Variants in ADGRG6 observed in about 807,000 individuals in gnomAD.
The protein encoded by ADGRG6 is G-protein coupled receptor 126.
A neutral mutation model predicts 142.4 loss-of-function variants in ADGRG6; 84 were observed. The ratio of observed to expected loss-of-function variants is 0.59; its 90% confidence interval spans 0.49 to 0.71. ADGRG6 has a LOEUF of 0.71. Among genes scored for constraint, ADGRG6 ranks in the 30% least tolerant of loss-of-function variants. The pLI, the probability that ADGRG6 is intolerant of heterozygous loss-of-function variation, is 0.00. For missense variants in ADGRG6, 1,367 were observed against 1,466.6 expected (o/e 0.93, Z 1.11); for synonymous variants, 521 against 520.5 (o/e 1.00, Z -0.01).
chr6:142,369,090 G>T (rs1319676987), intron 3 of ADGRG6, among the ~76,000 whole-genome samples: 1 of 152,030 alleles, frequency 6.6e-6, no homozygotes, highest in African/African-American at 2.4e-5. Flanking sequence ...TTTTATTATA[G>T]AACTATTCTT....
chr6:142,306,095 G>T (rs910887656), intron 1 of ADGRG6, among the ~76,000 whole-genome samples: 2 of 152,176 alleles, frequency 1.3e-5, no homozygotes, highest in African/African-American at 4.8e-5. Context: ...GGGATATGGC[G>T]AAAGCAGTTA....
At chr6:142,325,373 C>T (rs1022380784) in intron 2 of ADGRG6, among the ~76,000 whole-genome samples, 1 of 152,140 alleles carries the variant, frequency 6.6e-6, no homozygotes, top group Non-Finnish European at 1.5e-5. Flanking sequence ...TCCCACGAGG[C>T]TTGTAGCTTA....
rs1456897031 is a variant in ADGRG6 at position 142,350,989 on chromosome 6, A to G, written c.104-16580A>G. Among the ~76,000 whole-genome samples, 3 of 152,186 alleles carry G rather than the reference A, an allele frequency of 2.0e-5. No homozygotes were observed. In the East Asian group the frequency reaches 5.8e-4, roughly 29 times the overall value. The stretch of plus-strand genomic sequence containing the variant: ...GGTGGCTCACACCTGTAATCCCAGC[A>G]CTTTGGGAGGCCAAGGCGGGTGGAT... On this transcript the variant is annotated intron_variant, in intron 2 of 24. Coordinates refer to ENST00000367609, the MANE Select transcript of ADGRG6 (RefSeq NM_198569.3).
rs747182342 is a variant in ADGRG6, at chr6:142,381,391, C to T, written c.1070-560C>T. Among the ~76,000 whole-genome samples, 74 of 152,220 alleles carry T rather than the reference C, an allele frequency of 4.9e-4. 1 individual carries two copies. In the Middle Eastern group the frequency reaches 0.01, roughly 21 times the overall value. On this transcript the variant is annotated intron_variant, in intron 4 of 24. Transcript: ENST00000367609. ...TTAATTGTCAGAGGGAGATTTAGTG[C>T]AACAATGAAAATCTACTTCTACTAA...
Position 142,370,353 on chromosome 6 carries a change from C to T in ADGRG6, c.629C>T (p.Thr210Ile), listed in dbSNP as rs772443184. Reference sequence around the variant, plus strand: ...TTCTCCTACTCAAATGCATCCTTCACACAATTGCTCAGTTTTGGAAAGGCC... The same window carrying T: ...TTCTCCTACTCAAATGCATCCTTCATACAATTGCTCAGTTTTGGAAAGGCC... ...TAFSYSNASFTQLLSFGKAKS... is the reference protein window; with the variant it reads ...TAFSYSNASFIQLLSFGKAKS... Residue 210 changes from threonine (T) to isoleucine (I), a missense_variant, in exon 4 of 25, where the codon ACA (threonine) becomes ATA (isoleucine). Physicochemically the swap from Thr to Ile is moderately conservative, Grantham distance 89. Coordinates refer to ENST00000367609, the MANE Select transcript of ADGRG6 (RefSeq NM_198569.3). 3.1e-6 allele frequency: 5 copies of T among 1,613,498 alleles called. No homozygotes were observed. In the Admixed American group the frequency reaches 5.0e-5, roughly 16 times the overall value.
chr6:142,342,529 T>C (rs1779706610), intron 2 of ADGRG6, among the ~76,000 whole-genome samples: 1 of 152,124 alleles, frequency 6.6e-6, no homozygotes, highest in Admixed American at 6.6e-5. Flanking sequence ...AGCATTCTTA[T>C]TGATACTTTA....
At chr6:142,423,682 A>G (rs1776782517) in intron 22 of ADGRG6, among the ~76,000 whole-genome samples, 2 of 118,542 alleles carry the variant, frequency 1.7e-5, no homozygotes, top group Non-Finnish European at 3.5e-5. Context: ...TGAACTTTAA[A>G]GTAGTTTTTT....
chr6:142,429,117 T>C (rs1337733190), intron 22 of ADGRG6, among the ~76,000 whole-genome samples: 2 of 152,224 alleles, frequency 1.3e-5, no homozygotes, highest in Non-Finnish European at 2.9e-5. Context: ...TGTTACTAAC[T>C]ATACATTAAA....
intron 2 of ADGRG6, among the ~76,000 whole-genome samples, chr6:142,340,085 G>T (rs1287542159): frequency 1.3e-5 from 2 of 152,086 alleles, no homozygotes; most frequent in Non-Finnish European, 2.9e-5. Flanking sequence ...TGTTGCATAT[G>T]AACAATAGCT....
rs1250011003 is a variant in ADGRG6 at position 142,370,776 on chromosome 6, A to C, written c.1052A>C (p.Glu351Ala). The C allele has an allele frequency of 6.2e-7, 1 of 1,613,652 alleles. No individual in the cohort carries two copies. Among genetic ancestry groups the C allele is most frequent in the South Asian group, 1.1e-5 (1 of 91,058 alleles). ...ATCCCAAACCTAGCTCTGAAAGCTG[A>C]AAGCAACCTAAGCTGTGGTGAGTTT... ...WNIPNLALKA[E>A]SNLSCGSYLI... The change falls in exon 4 of 25, where the codon GAA becomes GCA. Residue 351 changes from glutamate (E) to alanine (A), a missense_variant. Transcript: ENST00000367609.
rs1487883481 is a variant in ADGRG6 at position 142,302,303 on chromosome 6, A to AGG, written c.-24_-23dup. ...TGGTGGAGGATGATCTTGCGGCCAA[A>AGG]GGGGACCTCGGCGCAGTAATGTCAA... On this transcript the variant is annotated 5_prime_UTR_variant, in exon 1 of 25. An upstream open reading frame in the 5' UTR loses its in-frame stop. Transcript: ENST00000367609. 1 of 1,612,032 alleles carries AGG rather than the reference A, an allele frequency of 6.2e-7. No homozygotes were observed. Among genetic ancestry groups the AGG allele is most frequent in the Non-Finnish European group, 8.5e-7 (1 of 1,179,012 alleles).
chr6:142,361,403 A>T (rs1780707143), intron 2 of ADGRG6, among the ~76,000 whole-genome samples: 1 of 152,100 alleles, frequency 6.6e-6, no homozygotes, highest in Non-Finnish European at 1.5e-5. Flanking sequence ...TGCTTGTCTG[A>T]GATCCTCCGG....
intron 2 of ADGRG6, among the ~76,000 whole-genome samples, chr6:142,341,496 T>G (rs1186186536): frequency 2.7e-4 from 32 of 118,228 alleles, no homozygotes; most frequent in African/African-American, 1.1e-3. Context: ...CTATATAATA[T>G]TATATAGTAT....
rs550791171 is a variant in ADGRG6, at chr6:142,305,722, G to A, written c.2+3391G>A. 2.0e-5 allele frequency among the ~76,000 whole-genome samples: 3 copies of A among 152,130 alleles called. No individual in the cohort carries two copies. In the South Asian group the frequency reaches 6.2e-4, roughly 32 times the overall value. On this transcript the variant is annotated intron_variant, in intron 1 of 24. Transcript: ENST00000367609. ...AAGCTTTATGTGTAGTCATTCTTGT[G>A]TACCTATGTATGTAATTCTTAAGGC...
In ADGRG6 at chr6:142,359,415, A is replaced by AAAG. The variant is rs1264891483; in HGVS notation, c.104-8152_104-8151insGAA. ...TTACACACGATGCTCCAGCTGAACT[A>AAAG]AATCTTAAGTTACTTGAACAGTCTA... On this transcript the variant is annotated intron_variant, in intron 2 of 24. Transcript: ENST00000367609. Among the ~76,000 whole-genome samples the AAAG allele has an allele frequency of 2.0e-5, 3 of 152,138 alleles. No individual in the cohort carries two copies. In the East Asian group the frequency reaches 5.8e-4, roughly 29 times the overall value.
chr6:142,350,416 G>A (rs1191004885), intron 2 of ADGRG6, among the ~76,000 whole-genome samples: 2 of 152,156 alleles, frequency 1.3e-5, no homozygotes, highest in Non-Finnish European at 2.9e-5. Context: ...GTTTATACCA[G>A]CAGTAATATT....
intron 6 of ADGRG6, among the ~76,000 whole-genome samples, chr6:142,387,521 G>A (rs984125393): frequency 3.9e-5 from 6 of 152,162 alleles, no homozygotes; most frequent in Non-Finnish European, 8.8e-5. Context: ...CAGTCATATT[G>A]TAAATGCCAC....
intron 2 of ADGRG6, among the ~76,000 whole-genome samples, chr6:142,337,463 T>C (rs1194984764): frequency 2.0e-5 from 3 of 152,094 alleles, no homozygotes; most frequent in Admixed American, 6.5e-5. Flanking sequence ...AAAATGGCAA[T>C]GGCACGCATG....
intron 2 of ADGRG6, among the ~76,000 whole-genome samples, chr6:142,321,622 A>G (rs935706158): frequency 1.3e-5 from 2 of 152,116 alleles, no homozygotes; most frequent in African/African-American, 4.8e-5. Context: ...TTTTGTTTAT[A>G]TGGAATTACG....
Sources: allele counts gnomAD v4.1 joint callset (sites outside exome capture counted in the v4.1 genomes callset), GRCh38; gene constraint gnomAD v4.1.1; transcripts MANE v1.5; gene names NCBI Gene and HGNC (gene_info 2026-07-23, HGNC 2026-07-21).